The following NOVA1 variants were observed in gnomAD, a reference collection of about 807,000 sequenced individuals.
NOVA1 encodes the protein RNA-binding protein Nova-1.
Under a neutral mutation model 38.0 loss-of-function variants are expected in NOVA1, and 7 were observed. The ratio of observed to expected loss-of-function variants is 0.18; its 90% CI spans 0.10 to 0.35. The LOEUF (loss-of-function observed/expected upper bound fraction) is 0.35, where lower values mean the gene tolerates loss of function less well. Among genes scored for constraint, NOVA1 ranks in the 10% least tolerant of loss-of-function variants. The pLI, the probability that NOVA1 is intolerant of heterozygous loss-of-function variation, is 1.00. For missense variants in NOVA1, 460 were observed against 616.0 expected (o/e 0.75, Z 2.68); for synonymous variants, 270 against 232.5 (o/e 1.16, Z -1.47).
chr14:26,578,887 C>A (rs1893029456), intron 2 of NOVA1, among the ~76,000 whole-genome samples: 2 of 151,918 alleles, frequency 1.3e-5, no homozygotes, highest in African/African-American at 4.8e-5. Flanking sequence ...ATAATTTAAC[C>A]CTCACTCCAA....
rs188788552 is a variant in NOVA1, at chr14:26,516,070, T to C, written c.281-35927A>G. 2.5e-3 allele frequency among the ~76,000 whole-genome samples: 382 copies of C among 152,248 alleles called. 1 individual carries two copies. Among genetic ancestry groups the C allele is most frequent in the African/African-American group, 8.7e-3 (361 of 41,572 alleles). ...TTGCCAACAAAGTATTGTCAGTCTTTTTCACTTTAGTTATTCAGGTGGATG... is the reference window on the plus strand; with the variant it reads ...TTGCCAACAAAGTATTGTCAGTCTTCTTCACTTTAGTTATTCAGGTGGATG... On this transcript the variant is annotated intron_variant, in intron 2 of 4. Transcript: ENST00000539517.
intron 2 of NOVA1, among the ~76,000 whole-genome samples, chr14:26,546,111 AG>A (rs1490411030): frequency 3.3e-5 from 5 of 152,254 alleles, no homozygotes; most frequent in East Asian, 1.9e-4. Flanking sequence ...GAAACCATTT[AG>A]AAAAAAACAT....
rs996795154 is a variant in NOVA1, at chr14:26,445,142, CAA to C, written c.*2815_*2816del. On this transcript the variant is annotated 3_prime_UTR_variant, in exon 5 of 5. Coordinates refer to ENST00000539517, the MANE Select transcript of NOVA1 (RefSeq NM_002515.3). The stretch of plus-strand genomic sequence containing the variant: ...GTTCACCAGCCTCCCTATAGCAAAA[CAA>C]GTCTATAAATAGTTGCATTTCATAA... The C allele has an allele frequency of 1.3e-5, 2 of 152,156 alleles. No homozygotes were observed. The highest frequency in any genetic ancestry group is 4.8e-5 in the African/African-American group (2 of 41,450). 9.4% of individuals were successfully genotyped at this position (152,156 alleles called of 1,614,324 possible).
At chr14:26,484,408 C>A (rs1409458369) in intron 2 of NOVA1, among the ~76,000 whole-genome samples, 1 of 131,088 alleles carries the variant, frequency 7.6e-6, no homozygotes, top group South Asian at 2.4e-4. Flanking sequence ...TGCACTCCAG[C>A]CTGGGCGAGA....
intron 2 of NOVA1, among the ~76,000 whole-genome samples, chr14:26,544,290 A>G (rs1225864853): frequency 6.6e-6 from 1 of 152,042 alleles, no homozygotes; most frequent in Non-Finnish European, 1.5e-5. Flanking sequence ...TGTCAACCGC[A>G]TCAAGGAACT....
At chr14:26,490,931 G>T (rs1352329961) in intron 2 of NOVA1, among the ~76,000 whole-genome samples, 1 of 140,920 alleles carries the variant, frequency 7.1e-6, no homozygotes, top group Non-Finnish European at 1.5e-5. Context: ...CTCACTGCAA[G>T]CTCCACCTCC....
intron 2 of NOVA1, among the ~76,000 whole-genome samples, chr14:26,587,912 T>C (rs1241982631): frequency 6.6e-6 from 1 of 151,232 alleles, no homozygotes; most frequent in South Asian, 2.1e-4. Flanking sequence ...CAGTGTATTT[T>C]CTACAGCAGC....
intron 3 of NOVA1, among the ~76,000 whole-genome samples, chr14:26,477,878 T>C (rs1885112039): frequency 6.6e-6 from 1 of 151,962 alleles, no homozygotes; most frequent in Admixed American, 6.6e-5. Flanking sequence ...TCAAGTAAAA[T>C]TTTCAACTTT....
intron 4 of NOVA1, among the ~76,000 whole-genome samples, chr14:26,454,843 CTTTTA>C (rs1416382027): frequency 6.6e-6 from 1 of 152,062 alleles, no homozygotes; most frequent in East Asian, 1.9e-4. Context: ...AGAAAAATGC[CTTTTA>C]TTTTCCCAAT....
intron 2 of NOVA1, among the ~76,000 whole-genome samples, chr14:26,587,694 A>C (rs569483869): frequency 6.6e-6 from 1 of 151,380 alleles, no homozygotes; most frequent in African/African-American, 2.4e-5. Context: ...CCACTTCAAA[A>C]CCAGGTATTT....
chr14:26,500,460 C>T (rs965837369), intron 2 of NOVA1, among the ~76,000 whole-genome samples: 1 of 151,030 alleles, frequency 6.6e-6, no homozygotes, highest in Non-Finnish European at 1.5e-5. Context: ...GTGTAAAGGT[C>T]ACTTTAAAAC....
chr14:26,534,393 A>T (rs1166136164), intron 2 of NOVA1, among the ~76,000 whole-genome samples: 3 of 152,166 alleles, frequency 2.0e-5, no homozygotes, highest in Non-Finnish European at 4.4e-5. Context: ...TACCCGTCTG[A>T]AAACAACAGA....
At chr14:26,507,455 T>C (rs1372454083) in intron 2 of NOVA1, among the ~76,000 whole-genome samples, 1 of 152,172 alleles carries the variant, frequency 6.6e-6, no homozygotes, top group East Asian at 1.9e-4. Context: ...TGTTGAGGGT[T>C]TTATAAAGAG....
intron 2 of NOVA1, among the ~76,000 whole-genome samples, chr14:26,589,413 A>G (rs1354537873): frequency 6.6e-6 from 1 of 151,756 alleles, no homozygotes; most frequent in Admixed American, 6.6e-5. Flanking sequence ...GATTTTGACT[A>G]AATTTTAATT....
At chr14:26,529,549 T>C (rs1423778581) in intron 2 of NOVA1, among the ~76,000 whole-genome samples, 1 of 152,186 alleles carries the variant, frequency 6.6e-6, no homozygotes, top group Non-Finnish European at 1.5e-5. Flanking sequence ...TGTATACTTA[T>C]AGGCCACACA....
intron 2 of NOVA1, among the ~76,000 whole-genome samples, chr14:26,535,888 A>T (rs746109976): frequency 6.6e-5 from 10 of 151,820 alleles, no homozygotes; most frequent in Non-Finnish European, 1.3e-4. Context: ...CTGAGGCAGG[A>T]GAATGGTGTG....
intron 3 of NOVA1, among the ~76,000 whole-genome samples, chr14:26,477,464 T>G (rs1325857315): frequency 1.3e-5 from 2 of 152,146 alleles, no homozygotes; most frequent in African/African-American, 4.8e-5. Context: ...TTCTACTATA[T>G]GAAAGACCTG....
chr14:26,461,153 G>A (rs1363859572), intron 4 of NOVA1, among the ~76,000 whole-genome samples: 2 of 152,094 alleles, frequency 1.3e-5, no homozygotes, highest in Non-Finnish European at 2.9e-5. Context: ...CCTAGTATGA[G>A]CCAATACTAG....
intron 2 of NOVA1, among the ~76,000 whole-genome samples, chr14:26,494,226 T>C (rs539617059): frequency 2.0e-5 from 3 of 152,178 alleles, no homozygotes; most frequent in Non-Finnish European, 4.4e-5. Context: ...GAATGTTTCT[T>C]TTAGCTTTGT....
Sources: allele counts gnomAD v4.1 joint callset (sites outside exome capture counted in the v4.1 genomes callset), GRCh38; gene constraint gnomAD v4.1.1; transcripts MANE v1.5; gene names NCBI Gene and HGNC (gene_info 2026-07-23, HGNC 2026-07-21).